Variants in TMEM117 observed in about 807,000 individuals in gnomAD.
TMEM117 encodes the protein transmembrane protein 117.
TMEM117 carries 27 observed loss-of-function variants against 52.4 expected under a neutral mutation model. The ratio of observed to expected loss-of-function variants is 0.51; its 90% CI spans 0.38 to 0.71. The LOEUF (loss-of-function observed/expected upper bound fraction) is 0.71, where lower values mean the gene tolerates loss of function less well. TMEM117 is among the 30% of genes least tolerant of loss of function. The pLI is 0.00. For synonymous variants in TMEM117, 215 were observed against 206.3 expected (o/e 1.04, Z -0.36); for missense variants, 556 against 630.5 (o/e 0.88, Z 1.26).
chr12:43,918,731 T>C (rs1055256952), intron 2 of TMEM117, among the ~76,000 whole-genome samples: 3 of 152,228 alleles, frequency 2.0e-5, no homozygotes, highest in Non-Finnish European at 4.4e-5. Flanking sequence ...TTATCCTGCA[T>C]GCTACTGAGT....
chr12:44,276,386 C>G (rs996408443), intron 5 of TMEM117, among the ~76,000 whole-genome samples: 1 of 152,056 alleles, frequency 6.6e-6, no homozygotes, highest in Non-Finnish European at 1.5e-5. Flanking sequence ...GTGAAATAAG[C>G]TAGGCACAGT....
chr12:44,025,012 G>T (rs1418735218), intron 3 of TMEM117, among the ~76,000 whole-genome samples: 2 of 152,106 alleles, frequency 1.3e-5, no homozygotes, highest in African/African-American at 4.8e-5. Context: ...AGGTGACTAA[G>T]TTGCTCCACC....
rs568074953 is a variant in TMEM117, at chr12:44,326,977, C to T, written c.768+27238C>T. ...TTGGAAGTCAGTTTCTCAACAGCCT[C>T]TCTGCAGAATGTCACCAATTTGACC... is the stretch of plus-strand genomic sequence containing the variant. On this transcript the variant is annotated intron_variant, in intron 6 of 7. Coordinates refer to ENST00000266534, the MANE Select transcript of TMEM117 (RefSeq NM_032256.3). Among the ~76,000 whole-genome samples the T allele has an allele frequency of 6.6e-5, 10 of 152,306 alleles. No individual in the cohort carries two copies. In the East Asian group the frequency reaches 1.9e-3, roughly 29 times the overall value.
chr12:43,975,533 G>T (rs1014973367), intron 3 of TMEM117, among the ~76,000 whole-genome samples: 8 of 152,304 alleles, frequency 5.3e-5, no homozygotes, highest in African/African-American at 1.7e-4. Flanking sequence ...TCATGTAGCT[G>T]ATATCATGTC....
intron 6 of TMEM117, among the ~76,000 whole-genome samples, chr12:44,359,467 A>G (rs1479827458): frequency 8.6e-5 from 13 of 152,004 alleles, no homozygotes; most frequent in Non-Finnish European, 1.5e-4. Context: ...ATTTTGTATT[A>G]TGTATTTTTC....
chr12:44,245,578 C>A (rs1950118482), intron 5 of TMEM117, among the ~76,000 whole-genome samples: 1 of 150,210 alleles, frequency 6.7e-6, no homozygotes, highest in Admixed American at 6.6e-5. Flanking sequence ...TTTATCAGTT[C>A]TAACGTTTTT....
intron 2 of TMEM117, among the ~76,000 whole-genome samples, chr12:43,858,623 T>C (rs1943438210): frequency 6.6e-6 from 1 of 152,198 alleles, no homozygotes; most frequent in Admixed American, 6.5e-5. Flanking sequence ...GAAATCTAGA[T>C]ATTCTTAGGC....
chr12:43,857,492 A>G (rs574229626), intron 2 of TMEM117, among the ~76,000 whole-genome samples: 5 of 70,412 alleles, frequency 7.1e-5, no homozygotes, highest in African/African-American at 1.3e-4. Context: ...GCAGACTCAT[A>G]TACATGGTGC....
At chr12:44,156,095 G>A (rs188642575) in intron 4 of TMEM117, among the ~76,000 whole-genome samples, 2 of 152,134 alleles carry the variant, frequency 1.3e-5, no homozygotes, top group East Asian at 3.9e-4. Flanking sequence ...AAACATTTAA[G>A]GCTCAAGCAG....
At chr12:44,339,181 A>G (rs1193628100) in intron 6 of TMEM117, among the ~76,000 whole-genome samples, 1 of 152,078 alleles carries the variant, frequency 6.6e-6, no homozygotes, top group African/African-American at 2.4e-5. Context: ...TGCCTAATCA[A>G]TAGAACAGAA....
At chr12:44,137,895 C>T (rs1490321203) in intron 3 of TMEM117, among the ~76,000 whole-genome samples, 2 of 152,078 alleles carry the variant, frequency 1.3e-5, no homozygotes, top group African/African-American at 4.8e-5. Flanking sequence ...CATTGGGGAC[C>T]ACAATATTAT....
chr12:44,226,523 G>GTGTA (rs199798090), intron 5 of TMEM117, among the ~76,000 whole-genome samples: 1,737 of 151,952 alleles, frequency 0.011, 22 homozygotes, highest in South Asian at 0.052. Flanking sequence ...GTGTGTGTGT[G>GTGTA]TACACATATA....
At chr12:43,838,825 T>C (rs775180066) in intron 1 of TMEM117, among the ~76,000 whole-genome samples, 6 of 152,066 alleles carry the variant, frequency 3.9e-5, no homozygotes, top group Non-Finnish European at 7.4e-5. Flanking sequence ...CCTCTCTGAA[T>C]TTCTGTTTCT....
chr12:43,964,408 T>C (rs1031565512), intron 3 of TMEM117, among the ~76,000 whole-genome samples: 3 of 152,216 alleles, frequency 2.0e-5, no homozygotes, highest in African/African-American at 4.8e-5. Context: ...ATATACTTCC[T>C]GATCTCTTTC....
chr12:44,072,317 C>T (rs1339330250), intron 3 of TMEM117, among the ~76,000 whole-genome samples: 1 of 152,122 alleles, frequency 6.6e-6, no homozygotes, highest in Admixed American at 6.5e-5. Context: ...CCAGACACAC[C>T]AGAAGAGATT....
intron 3 of TMEM117, among the ~76,000 whole-genome samples, chr12:43,950,389 A>C (rs915636036): frequency 6.6e-6 from 1 of 151,834 alleles, no homozygotes; most frequent in Non-Finnish European, 1.5e-5. Flanking sequence ...GAACAAAATG[A>C]CTTTAAACAA....
chr12:44,255,503 G>A (rs966651288), intron 5 of TMEM117, among the ~76,000 whole-genome samples: 1 of 151,976 alleles, frequency 6.6e-6, no homozygotes, highest in African/African-American at 2.4e-5. Flanking sequence ...GTCTAATAAC[G>A]AGTCCAAGTA....
At chr12:43,850,866 A>ATGG (rs1943295563) in intron 2 of TMEM117, among the ~76,000 whole-genome samples, 1 of 151,340 alleles carries the variant, frequency 6.6e-6, no homozygotes, top group Non-Finnish European at 1.5e-5. Context: ...ATAGGTGATG[A>ATGG]TGATGGTGAT....
intron 3 of TMEM117, among the ~76,000 whole-genome samples, chr12:44,015,506 A>C (rs1359797438): frequency 6.6e-6 from 1 of 152,068 alleles, no homozygotes; most frequent in Non-Finnish European, 1.5e-5. Flanking sequence ...TTTTTTGTCC[A>C]TGTTGAAATG....
Sources: gnomAD v4.1 joint callset for allele counts (sites outside exome capture counted in the v4.1 genomes callset) on GRCh38, gnomAD v4.1.1 for gene constraint, MANE v1.5 for transcripts, NCBI Gene and HGNC (gene_info 2026-07-23, HGNC 2026-07-21) for gene names.